EXOC4: variants seen among roughly 807,000 people sequenced by gnomAD.
The protein encoded by EXOC4 is exocyst complex component 4.
In EXOC4, 71 loss-of-function variants were observed where a neutral mutation model predicts 107.2. That is an observed-to-expected ratio of 0.66 (90% CI 0.55 to 0.81). EXOC4 has a LOEUF of 0.81. Among genes scored for constraint, EXOC4 ranks in the 30% least tolerant of loss-of-function variants. The pLI is 0.00. For missense variants in EXOC4, 1,108 were observed against 1,189.6 expected, an observed-to-expected ratio of 0.93 and a Z score of 1.01; for synonymous variants, 456 against 441.2, an observed-to-expected ratio of 1.03 and a Z score of -0.42.
At chr7:133,886,926 T>G (rs983056370) in intron 11 of EXOC4, among the ~76,000 whole-genome samples, 3 of 152,180 alleles carry the variant, frequency 2.0e-5, no homozygotes, top group Non-Finnish European at 4.4e-5. Context: ...CAAACTACAG[T>G]GTCATTTTTC....
intron 10 of EXOC4, among the ~76,000 whole-genome samples, chr7:133,763,172 C>G (rs1456096393): frequency 6.6e-6 from 1 of 152,074 alleles, no homozygotes; most frequent in Non-Finnish European, 1.5e-5. Flanking sequence ...AAAACAAGTT[C>G]CTGGTGTCAA....
intron 7 of EXOC4, among the ~76,000 whole-genome samples, chr7:133,443,479 A>G (rs955683141): frequency 1.3e-5 from 2 of 152,152 alleles, no homozygotes; most frequent in Non-Finnish European, 2.9e-5. Context: ...CCCTGAGTCT[A>G]TTGTCACTTC....
chr7:133,655,568 C>CT (rs1330330669), intron 10 of EXOC4, among the ~76,000 whole-genome samples: 6 of 151,968 alleles, frequency 3.9e-5, no homozygotes, highest in Non-Finnish European at 7.4e-5. Flanking sequence ...TATTTTTTTA[C>CT]TTTTTAAAAT....
intron 9 of EXOC4, among the ~76,000 whole-genome samples, chr7:133,522,987 G>A (rs1800008045): frequency 6.6e-6 from 1 of 152,154 alleles, no homozygotes; most frequent in Non-Finnish European, 1.5e-5. Context: ...CAAGTTGACT[G>A]CTGGCATTTA....
chr7:133,326,005 G>A (rs946630603), intron 5 of EXOC4, among the ~76,000 whole-genome samples: 3 of 151,954 alleles, frequency 2.0e-5, no homozygotes, highest in Admixed American at 1.3e-4. Context: ...TGATCAAATC[G>A]GCTACTGAAG....
intron 10 of EXOC4, among the ~76,000 whole-genome samples, chr7:133,683,924 T>C (rs1467790140): frequency 6.6e-6 from 1 of 152,336 alleles, no homozygotes; most frequent in East Asian, 1.9e-4. Context: ...TAATTTTTTC[T>C]TTTTTCAAAA....
intron 9 of EXOC4, among the ~76,000 whole-genome samples, chr7:133,607,831 A>G (rs1801983945): frequency 6.6e-6 from 1 of 152,232 alleles, no homozygotes; most frequent in African/African-American, 2.4e-5. Context: ...CCATTGCATA[A>G]AACTACATAC....
chr7:133,303,559 A>G (rs1450564859), intron 3 of EXOC4, among the ~76,000 whole-genome samples: 1 of 152,242 alleles, frequency 6.6e-6, no homozygotes, highest in African/African-American at 2.4e-5. Flanking sequence ...GTAAGGGAAG[A>G]CAGTGGCCTT....
At chr7:133,655,183 T>G (rs1353489801) in intron 10 of EXOC4, among the ~76,000 whole-genome samples, 3 of 32,144 alleles carry the variant, frequency 9.3e-5, no homozygotes, top group Non-Finnish European at 2.8e-4. Flanking sequence ...TCAACTTTAT[T>G]TAAAATAAAC....
the EXOC4 span, among the ~76,000 whole-genome samples, chr7:134,080,970 A>G: frequency 6.6e-6 from 1 of 152,052 alleles, no homozygotes; most frequent in Non-Finnish European, 1.5e-5. Context: ...AAATAAAAGC[A>G]TGATTGCTCC....
chr7:133,991,860 G>A (rs1794268539), intron 14 of EXOC4, among the ~76,000 whole-genome samples: 1 of 152,126 alleles, frequency 6.6e-6, no homozygotes, highest in Admixed American at 6.5e-5. Flanking sequence ...CCATAGCTTT[G>A]TAGTACAATT....
chr7:133,959,064 A>G (rs544029094), intron 14 of EXOC4, among the ~76,000 whole-genome samples: 1 of 152,296 alleles, frequency 6.6e-6, no homozygotes, highest in South Asian at 2.1e-4. Context: ...GTTCTCCAAT[A>G]AAAGAGACCA....
chr7:133,875,991 C>G (rs138707283), intron 11 of EXOC4, among the ~76,000 whole-genome samples: 20 of 152,188 alleles, frequency 1.3e-4, no homozygotes, highest in African/African-American at 4.8e-4. Context: ...CTGTTGTATT[C>G]GAGAGCATAG....
At chr7:133,617,349 G>T (rs1031702450) in intron 9 of EXOC4, among the ~76,000 whole-genome samples, 6 of 152,198 alleles carry the variant, frequency 3.9e-5, no homozygotes, top group Admixed American at 3.9e-4. Context: ...AGAGGGTTGC[G>T]TGAAGACTTC....
chr7:133,811,744 A>G (rs1467759610), intron 10 of EXOC4, among the ~76,000 whole-genome samples: 1 of 152,174 alleles, frequency 6.6e-6, no homozygotes, highest in Non-Finnish European at 1.5e-5. Flanking sequence ...TGTCAATAAG[A>G]ATTACTGGTT....
chr7:133,757,478 T>G (rs1268839408), intron 10 of EXOC4, among the ~76,000 whole-genome samples: 1 of 152,232 alleles, frequency 6.6e-6, no homozygotes, highest in Admixed American at 6.5e-5. Context: ...GACAGCCCTT[T>G]TCCTGAGGGA....
intron 5 of EXOC4, among the ~76,000 whole-genome samples, chr7:133,338,296 A>T (rs999123437): frequency 6.6e-6 from 1 of 152,044 alleles, no homozygotes; most frequent in Non-Finnish European, 1.5e-5. Context: ...TTTTATTTTT[A>T]AAAATTTTTT....
At chr7:133,312,663 G>A (rs1203974348) in intron 4 of EXOC4, among the ~76,000 whole-genome samples, 6 of 151,938 alleles carry the variant, frequency 3.9e-5, no homozygotes, top group African/African-American at 9.7e-5. Context: ...TGCCATTTTT[G>A]TGTTGTGTGA....
At chr7:133,415,827 A>G (rs183514131) in intron 7 of EXOC4, among the ~76,000 whole-genome samples, 84 of 152,316 alleles carry the variant, frequency 5.5e-4, no homozygotes, top group Admixed American at 1.4e-3. Context: ...TAGTTGTTGT[A>G]ATGAGAGTAG....
Sources: allele counts gnomAD v4.1 joint callset (sites outside exome capture counted in the v4.1 genomes callset), GRCh38; gene constraint gnomAD v4.1.1; transcripts MANE v1.5; gene names NCBI Gene and HGNC (gene_info 2026-07-23, HGNC 2026-07-21).